CSMD1: variants seen among roughly 807,000 people sequenced by gnomAD.
CSMD1 encodes the protein CUB and sushi domain-containing protein 1.
A neutral mutation model predicts 417.5 loss-of-function variants in CSMD1; 213 were observed. That is an observed-to-expected ratio of 0.51 (90% CI 0.46 to 0.57). CSMD1 has a LOEUF of 0.57. Ranked by LOEUF, CSMD1 falls within the 20% of genes least tolerant of loss-of-function variation. CSMD1 has a pLI of 0.00. For missense variants in CSMD1, 6,923 were observed against 4,529.7 expected (o/e 1.53, Z -15.17); for synonymous variants, 2,862 against 1,736.8 (o/e 1.65, Z -16.11).
intron 1 of CSMD1, among the ~76,000 whole-genome samples, chr8:4,948,309 T>C (rs1198274552): frequency 2.6e-5 from 4 of 152,082 alleles, no homozygotes; most frequent in African/African-American, 9.6e-5. Flanking sequence ...ATAGTTGTTA[T>C]TTTGTTTTCC....
rs1801362079 is a variant in CSMD1, at chr8:4,486,075, TTC to T, written c.303-66012_303-66011del. On this transcript the variant is annotated intron_variant, in intron 2 of 69. Transcript: ENST00000635120. ...TAATATCTAAGTATTAAAATTAAAT[TTC>T]TCTTTCTCTTTCATCATACATATAT... 6.0e-5 allele frequency among the ~76,000 whole-genome samples: 9 copies of T among 149,006 alleles called. No homozygotes were observed. In the Admixed American group the frequency reaches 6.1e-4, roughly 10 times the overall value.
intron 54 of CSMD1, among the ~76,000 whole-genome samples, chr8:2,995,765 G>A (rs1211775990): frequency 2.0e-5 from 3 of 152,130 alleles, no homozygotes; most frequent in Non-Finnish European, 4.4e-5. Context: ...TGAATCTCCG[G>A]AAAATTATGT....
chr8:4,029,598 C>T (rs72624004), intron 4 of CSMD1, among the ~76,000 whole-genome samples: 27,011 of 151,998 alleles, frequency 0.18, 2,751 homozygotes, highest in East Asian at 0.35. Context: ...ATTGTGGGAG[C>T]TGCAATTCAA....
chr8:4,881,978 C>G (rs1803433093), intron 1 of CSMD1, among the ~76,000 whole-genome samples: 1 of 152,008 alleles, frequency 6.6e-6, no homozygotes, highest in African/African-American at 2.4e-5. Flanking sequence ...ACATGGGGCT[C>G]AGCTATACCT....
intron 3 of CSMD1, among the ~76,000 whole-genome samples, chr8:4,202,203 C>G (rs1799695794): frequency 6.6e-6 from 1 of 152,010 alleles, no homozygotes; most frequent in Admixed American, 6.6e-5. Context: ...AATGACGCAA[C>G]AAAATGAGAT....
intron 12 of CSMD1, among the ~76,000 whole-genome samples, chr8:3,411,781 C>G (rs1411181169): frequency 4.6e-5 from 5 of 109,826 alleles, no homozygotes; most frequent in South Asian, 3.0e-4. Context: ...TGTGTATATA[C>G]CTGTATATAT....
chr8:3,953,698 G>A (rs1011406803), intron 5 of CSMD1, among the ~76,000 whole-genome samples: 1 of 152,072 alleles, frequency 6.6e-6, no homozygotes, highest in Non-Finnish European at 1.5e-5. Flanking sequence ...GGGGTGAGGG[G>A]TGGATAGGCA....
At chr8:4,417,017 T>G (rs1004471923) in intron 3 of CSMD1, among the ~76,000 whole-genome samples, 1 of 152,176 alleles carries the variant, frequency 6.6e-6, no homozygotes, top group South Asian at 2.1e-4. Flanking sequence ...AAGACTAATG[T>G]CCAAGTATAG....
At chr8:4,251,542 G>C (rs6983521) in intron 3 of CSMD1, among the ~76,000 whole-genome samples, 33,207 of 152,004 alleles carry the variant, frequency 0.22, 4,834 homozygotes, top group East Asian at 0.51. Flanking sequence ...TGATCTCTAA[G>C]CAATTTAATC....
chr8:4,021,896 AAC>A (rs1411058369), intron 4 of CSMD1, among the ~76,000 whole-genome samples: 1 of 151,950 alleles, frequency 6.6e-6, no homozygotes, highest in Non-Finnish European at 1.5e-5. Context: ...AAGGAAAACA[AAC>A]TACCCCAGAT....
At chr8:4,775,773 G>A (rs1321788223) in intron 1 of CSMD1, among the ~76,000 whole-genome samples, 1 of 152,152 alleles carries the variant, frequency 6.6e-6, no homozygotes, top group Non-Finnish European at 1.5e-5. Context: ...CACTCGTGTG[G>A]ATGTGGATGC....
At chr8:4,138,362 A>C (rs968379833) in intron 3 of CSMD1, among the ~76,000 whole-genome samples, 1 of 152,078 alleles carries the variant, frequency 6.6e-6, no homozygotes, top group Non-Finnish European at 1.5e-5. Flanking sequence ...GCAAGGAGTC[A>C]GTGTTCTGAT....
chr8:4,706,551 G>A (rs1022873213), intron 1 of CSMD1, among the ~76,000 whole-genome samples: 3 of 152,022 alleles, frequency 2.0e-5, no homozygotes, highest in Non-Finnish European at 4.4e-5. Context: ...TATTTAACTC[G>A]GCATCATTTA....
chr8:4,903,164 T>C (rs1216544836), intron 1 of CSMD1, among the ~76,000 whole-genome samples: 1 of 152,194 alleles, frequency 6.6e-6, no homozygotes, highest in Non-Finnish European at 1.5e-5. Context: ...CAGTTTGTAA[T>C]GCAATCTTCC....
intron 3 of CSMD1, among the ~76,000 whole-genome samples, chr8:4,178,663 A>T (rs890975205): frequency 1.3e-5 from 2 of 152,322 alleles, no homozygotes. Context: ...AGATAATATG[A>T]TTGTTTATCT....
intron 1 of CSMD1, among the ~76,000 whole-genome samples, chr8:4,811,062 G>A (rs988625152): frequency 1.3e-5 from 2 of 152,194 alleles, no homozygotes; most frequent in African/African-American, 4.8e-5. Flanking sequence ...AATCAGTAAA[G>A]TAATTCGACC....
At chr8:3,853,621 C>T (rs1259208715) in intron 5 of CSMD1, among the ~76,000 whole-genome samples, 2 of 151,792 alleles carry the variant, frequency 1.3e-5, no homozygotes, top group Admixed American at 1.3e-4. Flanking sequence ...AGAAGGAGAC[C>T]TTGTGCCCCT....
At chr8:3,354,168 C>G (rs1024299989) in intron 21 of CSMD1, among the ~76,000 whole-genome samples, 26 of 152,028 alleles carry the variant, frequency 1.7e-4, no homozygotes, top group African/African-American at 5.1e-4. Context: ...AATATATAAC[C>G]TCTCAATCTG....
chr8:3,284,269 A>T lies in CSMD1; in HGVS notation c.4028T>A (p.Ile1343Asn). 1 of 1,613,932 alleles carries T rather than the reference A, an allele frequency of 6.2e-7. No individual in the cohort carries two copies. Among genetic ancestry groups the T allele is most frequent in the East Asian group, 2.2e-5 (1 of 44,862 alleles). ...GGAGCCACTCCACTCCTTCAGCAGG[A>T]TGTCACTGTCCACCGGCCCGTCCCA... ...KVWDGPVDSDILLKEWSGSAL... is the reference protein window; with the variant it reads ...KVWDGPVDSDNLLKEWSGSAL... The change falls in exon 26 of 70, where the codon ATC (isoleucine) becomes AAC (asparagine). Residue 1343 changes from isoleucine to asparagine, a missense_variant. Physicochemically the swap from Ile to Asn is moderately radical, Grantham distance 149. Coordinates refer to ENST00000635120, the MANE Select transcript of CSMD1 (RefSeq NM_033225.6).
Sources: gnomAD v4.1 joint callset for allele counts (sites outside exome capture counted in the v4.1 genomes callset) on GRCh38, gnomAD v4.1.1 for gene constraint, MANE v1.5 for transcripts, NCBI Gene and HGNC (gene_info 2026-07-23, HGNC 2026-07-21) for gene names.